The following PCDHGB3 variants were observed in gnomAD, a reference collection of about 807,000 sequenced individuals.
PCDHGB3 encodes the protein protocadherin gamma subfamily B, 3, also known as protocadherin gamma-B3.
A neutral mutation model predicts 59.2 loss-of-function variants in PCDHGB3; 40 were observed. The ratio of observed to expected loss-of-function variants is 0.68; its 90% confidence interval spans 0.52 to 0.88. The LOEUF (loss-of-function observed/expected upper bound fraction) is 0.88, where lower values mean the gene tolerates loss of function less well. PCDHGB3 is among the 40% of genes least tolerant of loss of function. The probability of loss-of-function intolerance (pLI) is 0.00; values close to 1 mark genes in which losing one functional copy is unlikely to be tolerated. For missense variants in PCDHGB3, 1,309 were observed against 1,187.9 expected (o/e 1.10, Z -1.50); for synonymous variants, 581 against 503.6 (o/e 1.15, Z -2.06).
Position 141,370,520 on chromosome 5 carries a change from CAG to C in PCDHGB3, c.127_128del (p.Arg43GlyfsTer21), listed in dbSNP as rs1250098556. The C allele has an allele frequency of 1.9e-6, 3 of 1,613,752 alleles. No individual in the cohort carries two copies. Among genetic ancestry groups the C allele is most frequent in the African/African-American group, 2.7e-5 (2 of 74,914 alleles). Reference sequence around the variant, plus strand: ...GCTACGCTATTCCCGAGGAGCTGGACAGGGGCTCGCTGGTAGGGAACCTCGCC... The same window carrying C: ...GCTACGCTATTCCCGAGGAGCTGGACGGGCTCGCTGGTAGGGAACCTCGCC... ...IRYAIPEELD[R>X]GSLVGNLAKD... On this transcript the variant is annotated frameshift_variant, in exon 1 of 4. Coordinates refer to ENST00000576222, the MANE Select transcript of PCDHGB3 (RefSeq NM_018924.5). LOFTEE classifies it high-confidence loss of function.
chr5:141,438,764 C>T (rs963627140), intron 1 of PCDHGB3, among the ~76,000 whole-genome samples: 38 of 148,736 alleles, frequency 2.6e-4, no homozygotes, highest in African/African-American at 9.4e-4. Context: ...TGGGTTCAAG[C>T]GATTCTCCTG....
At chr5:141,481,592 C>T (rs765060653) in intron 1 of PCDHGB3, among the ~76,000 whole-genome samples, 2 of 152,112 alleles carry the variant, frequency 1.3e-5, no homozygotes, top group East Asian at 1.9e-4. Context: ...CTGAGGCCAG[C>T]GGATCACCTG....
At chr5:141,408,220 G>C (rs2095061412) in intron 1 of PCDHGB3, 1 of 1,558,876 alleles carries the variant, frequency 6.4e-7, no homozygotes, top group Non-Finnish European at 8.7e-7. Flanking sequence ...GGAGCTGCGC[G>C]CAGAGGCGCC....
intron 1 of PCDHGB3, among the ~76,000 whole-genome samples, chr5:141,443,609 T>C (rs2098396115): frequency 1.3e-5 from 2 of 152,260 alleles, no homozygotes; most frequent in African/African-American, 4.8e-5. Flanking sequence ...GAAATGTTCT[T>C]ATAATCAGGT....
chr5:141,403,476 A>G lies in PCDHGB3; in HGVS notation c.2415+30667A>G, dbSNP rs1258805283. The G allele has an allele frequency of 5.6e-6, 9 of 1,613,972 alleles. No homozygotes were observed. In the Admixed American group the frequency reaches 8.3e-5, roughly 15 times the overall value. On this transcript the variant is annotated intron_variant, in intron 1 of 3. Coordinates refer to ENST00000576222, the MANE Select transcript of PCDHGB3 (RefSeq NM_018924.5). ...CTCCAGAGCTACCAGCTCAGCCCCA[A>G]TCACCACTTCTCCCTGAACGTGCAG...
chr5:141,409,823 A>G, intron 1 of PCDHGB3: 2 of 1,610,784 alleles, frequency 1.2e-6, no homozygotes, highest in Non-Finnish European at 1.7e-6. Flanking sequence ...CGGCTCGCCC[A>G]CGCTCAGCGC....
intron 1 of PCDHGB3, chr5:141,399,280 G>T (rs750453381): frequency 6.2e-7 from 1 of 1,613,836 alleles, no homozygotes; most frequent in Non-Finnish European, 8.5e-7. Flanking sequence ...ATTACAAGGC[G>T]AAGTCCCTTT....
chr5:141,395,084 C>A (rs757269551), intron 1 of PCDHGB3: 1 of 1,614,190 alleles, frequency 6.2e-7, no homozygotes, highest in South Asian at 1.1e-5. Flanking sequence ...CCCAGGAAGT[C>A]TCCCTCACCG....
At chr5:141,414,894 A>T in intron 1 of PCDHGB3, 1 of 1,613,958 alleles carries the variant, frequency 6.2e-7, no homozygotes, top group South Asian at 1.1e-5. Flanking sequence ...CCCTCCCCAC[A>T]GACGGTTCCA....
At chr5:141,384,987 G>A (rs775895766) in intron 1 of PCDHGB3, 14 of 1,614,114 alleles carry the variant, frequency 8.7e-6, no homozygotes, top group Non-Finnish European at 1.1e-5. Flanking sequence ...TGGTGGTGGC[G>A]GTGGCCACAG....
intron 1 of PCDHGB3, chr5:141,414,409 A>G: frequency 1.2e-6 from 2 of 1,613,870 alleles, no homozygotes; most frequent in Non-Finnish European, 8.5e-7. Flanking sequence ...GGTGATACAC[A>G]GAGCCCTTGA....
intron 1 of PCDHGB3, among the ~76,000 whole-genome samples, chr5:141,381,134 C>T (rs1034042035): frequency 2.0e-5 from 3 of 152,196 alleles, no homozygotes; most frequent in African/African-American, 7.2e-5. Context: ...GGAGCAATGC[C>T]ACCAGAAAGC....
At chr5:141,480,894 C>CA (rs1235468010) in intron 1 of PCDHGB3, among the ~76,000 whole-genome samples, 15 of 151,848 alleles carry the variant, frequency 9.9e-5, no homozygotes, top group African/African-American at 3.4e-4. Context: ...AAAATGCAAA[C>CA]ATTAGCTGGG....
chr5:141,477,393 G>C lies in PCDHGB3; in HGVS notation c.2416-17414G>C. ...GAGACTGTGCCAGAATACAACCTCA[G>C]CATCACCGCCCGAGACGCCGGAACC... On this transcript the variant is annotated intron_variant, in intron 1 of 3. Coordinates refer to ENST00000576222, the MANE Select transcript of PCDHGB3 (RefSeq NM_018924.5). The surrounding 1 kb of genome is among the most constrained non-coding windows in gnomAD (Gnocchi z 4.9). The C allele has an allele frequency of 6.2e-7, 1 of 1,614,098 alleles. No individual in the cohort carries two copies. The highest frequency in any genetic ancestry group is 8.5e-7 in the Non-Finnish European group (1 of 1,180,028).
chr5:141,458,347 T>A (rs1351687231), intron 1 of PCDHGB3, among the ~76,000 whole-genome samples: 1 of 151,916 alleles, frequency 6.6e-6, no homozygotes, highest in Non-Finnish European at 1.5e-5. Flanking sequence ...AGTGGAGAGT[T>A]TAATAAGCAA....
intron 1 of PCDHGB3, chr5:141,384,958 T>A: frequency 6.2e-7 from 1 of 1,613,954 alleles, no homozygotes; most frequent in Non-Finnish European, 8.5e-7. Context: ...TCCTTACAAC[T>A]ATGACCTCAC....
Position 141,415,225 on chromosome 5 carries a change from T to C in PCDHGB3, c.2415+42416T>C, listed in dbSNP as rs189700811. On this transcript the variant is annotated intron_variant, in intron 1 of 3. Transcript: ENST00000576222. ...CCTGGCGGACCTCGGCAGCTTCGAG[T>C]CTCCAGCTAACTCTGAAACCTCAGA... 12,267 of 1,614,024 alleles carry C rather than the reference T, an allele frequency of 7.6e-3. 74 individuals carry two copies. Among genetic ancestry groups the C allele is most frequent in the Non-Finnish European group, 9.2e-3 (10,854 of 1,180,002 alleles).
intron 1 of PCDHGB3, chr5:141,418,737 C>G (rs768683069): frequency 6.2e-7 from 1 of 1,613,842 alleles, no homozygotes; most frequent in African/African-American, 1.3e-5. Context: ...CACGTGTTCT[C>G]TCTGGATTAC....
At chr5:141,390,324 A>G in intron 1 of PCDHGB3, 2 of 1,605,484 alleles carry the variant, frequency 1.2e-6, no homozygotes, top group East Asian at 4.5e-5. Flanking sequence ...TTGCCTACCC[A>G]TTTCTCCATA....
Sources: allele counts gnomAD v4.1 joint callset (sites outside exome capture counted in the v4.1 genomes callset), GRCh38; gene constraint gnomAD v4.1.1; non-coding constraint Gnocchi (gnomAD v3.1); transcripts MANE v1.5; gene names NCBI Gene and HGNC (gene_info 2026-07-23, HGNC 2026-07-21).